RABGAP1L: variants seen among roughly 807,000 people sequenced by gnomAD.
RABGAP1L encodes the protein RAB GTPase activating protein 1 like.
RABGAP1L carries 63 observed loss-of-function variants against 137.7 expected under a neutral mutation model. That is an observed-to-expected ratio of 0.46 (90% CI 0.37 to 0.56). The LOEUF (loss-of-function observed/expected upper bound fraction) is 0.56, where lower values mean the gene tolerates loss of function less well. RABGAP1L is among the 20% of genes least tolerant of loss of function. The probability of loss-of-function intolerance (pLI) is 0.00; values close to 1 mark genes in which losing one functional copy is unlikely to be tolerated. For missense variants in RABGAP1L, 1,095 were observed against 1,244.0 expected (o/e 0.88, Z 1.80); for synonymous variants, 431 against 433.7 (o/e 0.99, Z 0.08).
intron 1 of RABGAP1L, among the ~76,000 whole-genome samples, chr1:174,199,901 G>A (rs1667978349): frequency 6.6e-6 from 1 of 152,108 alleles, no homozygotes; most frequent in Non-Finnish European, 1.5e-5. Context: ...AGAATTATTG[G>A]CTCTAAAAAA....
At chr1:174,281,089 G>C (rs1675488323) in intron 10 of RABGAP1L, among the ~76,000 whole-genome samples, 1 of 152,144 alleles carries the variant, frequency 6.6e-6, no homozygotes, top group South Asian at 2.1e-4. Flanking sequence ...TTCGCGGTGA[G>C]TGTTACAGCT....
chr1:174,615,734 G>C (rs1671773885), intron 13 of RABGAP1L, among the ~76,000 whole-genome samples: 1 of 152,216 alleles, frequency 6.6e-6, no homozygotes, highest in Non-Finnish European at 1.5e-5. Flanking sequence ...GCTCCATCCA[G>C]TTCGAGCTTC....
chr1:174,793,700 A>AT (rs1688027979), intron 18 of RABGAP1L, among the ~76,000 whole-genome samples: 29 of 148,644 alleles, frequency 2.0e-4, no homozygotes, highest in Admixed American at 4.1e-4. Context: ...CAAAATCAAG[A>AT]CTTTTTTTTT....
chr1:174,484,107 G>A (rs1443072304), intron 13 of RABGAP1L, among the ~76,000 whole-genome samples: 1 of 152,104 alleles, frequency 6.6e-6, no homozygotes, highest in South Asian at 2.1e-4. Flanking sequence ...TTTAACTGGG[G>A]TGAAAAGATA....
intron 13 of RABGAP1L, among the ~76,000 whole-genome samples, chr1:174,431,042 G>A (rs1444244361): frequency 3.9e-5 from 6 of 151,956 alleles, no homozygotes; most frequent in East Asian, 3.9e-4. Context: ...CTAAAAAATA[G>A]CAATTTTCTT....
At chr1:174,291,881 G>C (rs1371318326) in intron 10 of RABGAP1L, among the ~76,000 whole-genome samples, 1 of 151,346 alleles carries the variant, frequency 6.6e-6, no homozygotes, top group Non-Finnish European at 1.5e-5. Context: ...CCTCCAAAGA[G>C]CCAGATTTCG....
At chr1:174,557,618 G>T (rs1666959424) in intron 13 of RABGAP1L, among the ~76,000 whole-genome samples, 2 of 152,290 alleles carry the variant, frequency 1.3e-5, no homozygotes, top group South Asian at 4.1e-4. Flanking sequence ...GGCCAGATAT[G>T]GGGGCAGCCA....
chr1:174,471,154 G>A (rs887422287), intron 13 of RABGAP1L, among the ~76,000 whole-genome samples: 13 of 152,066 alleles, frequency 8.5e-5, no homozygotes, highest in Non-Finnish European at 1.6e-4. Flanking sequence ...TTCTATATTC[G>A]TGTATGTTTT....
intron 13 of RABGAP1L, among the ~76,000 whole-genome samples, chr1:174,630,793 A>G (rs1313596434): frequency 7.1e-6 from 1 of 140,224 alleles, no homozygotes; most frequent in African/African-American, 2.7e-5. Flanking sequence ...TTTTTTCTTT[A>G]TTAGTCTTGC....
intron 13 of RABGAP1L, among the ~76,000 whole-genome samples, chr1:174,474,443 T>C (rs1658274035): frequency 1.3e-5 from 2 of 152,338 alleles, no homozygotes; most frequent in South Asian, 4.1e-4. Context: ...GTTCCTGATG[T>C]CAGCTAGTAA....
At chr1:174,941,539 G>A (rs892973738) in intron 19 of RABGAP1L, among the ~76,000 whole-genome samples, 2 of 152,142 alleles carry the variant, frequency 1.3e-5, no homozygotes, top group African/African-American at 2.4e-5. Context: ...AGTGTCACCC[G>A]AGGCAGAGCA....
chr1:174,611,993 A>G (rs1305886756), intron 13 of RABGAP1L, among the ~76,000 whole-genome samples: 3 of 152,222 alleles, frequency 2.0e-5, no homozygotes, highest in Admixed American at 1.3e-4. Flanking sequence ...CAATCATGTC[A>G]TCTGCAAACA....
chr1:174,977,187 G>T (rs778042394), intron 22 of RABGAP1L, among the ~76,000 whole-genome samples: 1 of 152,158 alleles, frequency 6.6e-6, no homozygotes, highest in African/African-American at 2.4e-5. Context: ...GTGTCATTTA[G>T]CACCTTCCAG....
chr1:174,951,730 C>G (rs1667737236), intron 19 of RABGAP1L, among the ~76,000 whole-genome samples: 1 of 152,160 alleles, frequency 6.6e-6, no homozygotes, highest in Non-Finnish European at 1.5e-5. Flanking sequence ...CAGTGACAGG[C>G]AGCCGCTACT....
chr1:174,859,125 A>G (rs1649804319), intron 19 of RABGAP1L, among the ~76,000 whole-genome samples: 1 of 152,182 alleles, frequency 6.6e-6, no homozygotes, highest in African/African-American at 2.4e-5. Context: ...ATTCATTGCA[A>G]CACTATTCAC....
At chr1:174,859,754 G>A (rs1377584142) in intron 19 of RABGAP1L, among the ~76,000 whole-genome samples, 1 of 151,800 alleles carries the variant, frequency 6.6e-6, no homozygotes, top group South Asian at 2.1e-4. Flanking sequence ...TTAATACCTG[G>A]GTGATGAAAT....
intron 13 of RABGAP1L, among the ~76,000 whole-genome samples, chr1:174,440,940 A>G (rs923203340): frequency 6.6e-6 from 1 of 152,210 alleles, no homozygotes; most frequent in East Asian, 1.9e-4. Context: ...CCTATTTGCC[A>G]TTGATGGCTA....
intron 13 of RABGAP1L, among the ~76,000 whole-genome samples, chr1:174,633,517 G>T (rs1209185172): frequency 2.0e-5 from 3 of 150,452 alleles, no homozygotes; most frequent in Non-Finnish European, 4.5e-5. Context: ...TTTCTTCACA[G>T]AATTGGAAAA....
At chr1:174,791,683 C>G (rs956888475) in intron 18 of RABGAP1L, among the ~76,000 whole-genome samples, 13 of 152,166 alleles carry the variant, frequency 8.5e-5, no homozygotes, top group Admixed American at 2.0e-4. Flanking sequence ...AGGGGATGAA[C>G]GAACTGAGAT....
Sources: gnomAD v4.1 joint callset for allele counts (sites outside exome capture counted in the v4.1 genomes callset) on GRCh38, gnomAD v4.1.1 for gene constraint, MANE v1.5 for transcripts, NCBI Gene and HGNC (gene_info 2026-07-23, HGNC 2026-07-21) for gene names.